The following TBC1D32 variants were observed in gnomAD, a reference collection of about 807,000 sequenced individuals.
The protein encoded by TBC1D32 is protein broad-minded.
A neutral mutation model predicts 170.3 loss-of-function variants in TBC1D32; 151 were observed. That is an observed-to-expected ratio of 0.89 (90% CI 0.78 to 1.01). The LOEUF (loss-of-function observed/expected upper bound fraction) is 1.01, where lower values mean the gene tolerates loss of function less well. Among genes scored for constraint, TBC1D32 ranks in the 50% least tolerant of loss-of-function variants. The probability of loss-of-function intolerance (pLI) is 0.00; values close to 1 mark genes in which losing one functional copy is unlikely to be tolerated. For missense variants in TBC1D32, 1,464 were observed against 1,457.1 expected, an observed-to-expected ratio of 1.00 and a Z score of -0.08; for synonymous variants, 498 against 488.0, an observed-to-expected ratio of 1.02 and a Z score of -0.27.
At chr6:121,302,591 C>G (rs1806658027) in intron 9 of TBC1D32, among the ~76,000 whole-genome samples, 1 of 151,772 alleles carries the variant, frequency 6.6e-6, no homozygotes, top group South Asian at 2.1e-4. Context: ...TATAACATAT[C>G]TACATGAAAC....
At chr6:121,223,393 G>T in intron 20 of TBC1D32, 41 bp from the exon 21 acceptor site, 1 of 1,340,114 alleles carries the variant, frequency 7.5e-7, no homozygotes, top group Non-Finnish European at 1.1e-6. Context: ...ATTCACTTTT[G>T]TCAACCACAT....
intron 17 of TBC1D32, among the ~76,000 whole-genome samples, chr6:121,252,570 G>C (rs900867647): frequency 2.6e-5 from 4 of 152,086 alleles, no homozygotes; most frequent in African/African-American, 4.8e-5. Context: ...GGCCTCTCAG[G>C]GGGTGGAGAG....
At position 121,318,691 on chromosome 6, in the gene TBC1D32, A is replaced by G. The variant is rs1019165853; in HGVS notation, c.318-1019T>C. 4.0e-5 allele frequency among the ~76,000 whole-genome samples: 6 copies of G among 151,852 alleles called. No homozygotes were observed. In the East Asian group the frequency reaches 1.2e-3, roughly 29 times the overall value. On this transcript the variant is annotated intron_variant, in intron 2 of 31. Transcript: ENST00000398212. The stretch of plus-strand genomic sequence containing the variant: ...ATACAATCTAGCTAACCTATTTCAT[A>G]TGACTATAGCAAGAAATAAACATAT...
chr6:121,092,308 T>TTG (rs1776901033), intron 30 of TBC1D32, among the ~76,000 whole-genome samples: 1 of 144,408 alleles, frequency 6.9e-6, no homozygotes, highest in Admixed American at 7.0e-5. Context: ...TTTTTTTTTT[T>TTG]TTTTTTTTTT....
intron 1 of TBC1D32, among the ~76,000 whole-genome samples, chr6:121,326,502 AT>A (rs1810480347): frequency 6.6e-6 from 1 of 152,196 alleles, no homozygotes. Context: ...AATAAAATTC[AT>A]TTTTTAAAAA....
intron 12 of TBC1D32, among the ~76,000 whole-genome samples, chr6:121,286,118 A>G (rs1039634708): frequency 6.6e-6 from 1 of 152,192 alleles, no homozygotes; most frequent in Non-Finnish European, 1.5e-5. Context: ...CTAACCAGCA[A>G]CGGAACAAAG....
chr6:121,309,899 T>C (rs945822511), intron 4 of TBC1D32, among the ~76,000 whole-genome samples: 33 of 151,998 alleles, frequency 2.2e-4, no homozygotes. Context: ...CCAGGTGCAG[T>C]GGCGTGCATC....
chr6:121,180,145 A>G (rs1423727709), intron 22 of TBC1D32, among the ~76,000 whole-genome samples: 1 of 152,168 alleles, frequency 6.6e-6, no homozygotes, highest in African/African-American at 2.4e-5. Context: ...AAACGGTATT[A>G]TGCAGATGTC....
chr6:121,089,951 T>G (rs1436664086), intron 31 of TBC1D32, among the ~76,000 whole-genome samples: 2 of 151,196 alleles, frequency 1.3e-5, no homozygotes, highest in Non-Finnish European at 3.0e-5. Context: ...TTTTTTTTTT[T>G]GGAGACGAGT....
At chr6:121,290,713 C>T (rs550509735) in intron 12 of TBC1D32, among the ~76,000 whole-genome samples, 68 of 151,720 alleles carry the variant, frequency 4.5e-4, no homozygotes, top group African/African-American at 1.5e-3. Context: ...ATGTTTATTG[C>T]GGCACTATTC....
rs77100588 is a variant in TBC1D32 at position 121,279,676 on chromosome 6, G to A, written c.1609-431C>T. Among the ~76,000 whole-genome samples the A allele has an allele frequency of 9.0e-3, 1,369 of 151,868 alleles. 25 individuals are homozygous for A. The highest frequency in any genetic ancestry group is 0.031 in the African/African-American group (1,286 of 41,456). ...GTCATTCTCTTACACACATGTTTGC[G>A]TCATGAATGTACATCCAACTAGGGA... On this transcript the variant is annotated intron_variant, in intron 14 of 31. Transcript: ENST00000398212.
chr6:121,323,261 C>T (rs915930774), intron 1 of TBC1D32, among the ~76,000 whole-genome samples: 9 of 152,162 alleles, frequency 5.9e-5, no homozygotes, highest in East Asian at 3.9e-4. Context: ...AGCCATATCA[C>T]TTCAGAGATT....
chr6:121,153,770 T>C (rs1051321932), intron 24 of TBC1D32, among the ~76,000 whole-genome samples: 2 of 152,120 alleles, frequency 1.3e-5, no homozygotes, highest in African/African-American at 4.8e-5. Flanking sequence ...AGTCCTAATA[T>C]CCAGGTGGCT....
intron 22 of TBC1D32, among the ~76,000 whole-genome samples, chr6:121,203,158 G>A (rs563332886): frequency 6.6e-6 from 1 of 151,294 alleles, no homozygotes; most frequent in South Asian, 2.1e-4. Context: ...TATGAAAAAT[G>A]CAAAGCTATG....
chr6:121,190,904 G>A (rs1471045477), intron 22 of TBC1D32, among the ~76,000 whole-genome samples: 1 of 151,200 alleles, frequency 6.6e-6, no homozygotes, highest in East Asian at 1.9e-4. Context: ...TCTTTATCCC[G>A]CCACTTTCTC....
At chr6:121,203,079 CA>C (rs1791802799) in intron 22 of TBC1D32, among the ~76,000 whole-genome samples, 1 of 151,020 alleles carries the variant, frequency 6.6e-6, no homozygotes, top group Admixed American at 6.6e-5. Flanking sequence ...TAGAAACAAA[CA>C]AAAAATACTA....
rs139390799 is a variant in TBC1D32, at chr6:121,081,601, C to T, written c.3655-711G>A. On this transcript the variant is annotated intron_variant, in intron 31 of 31. Coordinates refer to ENST00000398212, the MANE Select transcript of TBC1D32 (RefSeq NM_152730.6). Reference sequence around the variant, plus strand: ...TACAAAAACTTTGGAAAATTCATGCCTTTCAGGAGTTTATAGTTTAAAGGC... The same window carrying T: ...TACAAAAACTTTGGAAAATTCATGCTTTTCAGGAGTTTATAGTTTAAAGGC... 2.0e-3 allele frequency among the ~76,000 whole-genome samples: 303 copies of T among 151,762 alleles called. 1 individual carries two copies. The highest frequency in any genetic ancestry group is 7.2e-3 in the African/African-American group (297 of 41,390).
Position 121,329,119 on chromosome 6 carries a change from T to C in TBC1D32, c.155+5157A>G, listed in dbSNP as rs559624130. Among the ~76,000 whole-genome samples, 36 of 152,346 alleles carry C rather than the reference T, an allele frequency of 2.4e-4. No homozygotes were observed. The South Asian group carries it at 7.5e-3, about 32-fold the overall frequency. ...CTGATTATTTGAAATTCTTCACATT[T>C]ACATTGAAAAACTTTACCAAATTGA... is the stretch of plus-strand genomic sequence containing the variant. On this transcript the variant is annotated intron_variant, in intron 1 of 31. Coordinates refer to ENST00000398212, the MANE Select transcript of TBC1D32 (RefSeq NM_152730.6).
Position 121,131,653 on chromosome 6 carries a change from G to T in TBC1D32, c.2873C>A (p.Ala958Asp). Residue 958 changes from alanine (A) to aspartate (D), a missense_variant, in exon 25 of 32, where the codon GCC becomes GAC. Transcript: ENST00000398212. ...CQRQFCKMMK[A>D]KPDIISGEAL... ...CTCTCCACTGATTATATCAGGTTTG[G>T]CTTTCATCATTTTGCAAAATTGTCT... 1 of 1,611,514 alleles carries T rather than the reference G, an allele frequency of 6.2e-7. No individual in the cohort carries two copies. The highest frequency in any genetic ancestry group is 1.1e-5 in the South Asian group (1 of 90,972).
Sources: allele counts gnomAD v4.1 joint callset (sites outside exome capture counted in the v4.1 genomes callset), GRCh38; gene constraint gnomAD v4.1.1; transcripts MANE v1.5; gene names NCBI Gene and HGNC (gene_info 2026-07-23, HGNC 2026-07-21).